The following ZNF354B variants were observed in gnomAD, a reference collection of about 807,000 sequenced individuals.
ZNF354B encodes the protein zinc finger protein 354B.
ZNF354B carries 10 observed loss-of-function variants against 12.9 expected under a neutral mutation model. That is an observed-to-expected ratio of 0.77 (90% CI 0.48 to 1.31). ZNF354B has a LOEUF of 1.31. ZNF354B is among the 40% of genes most tolerant of loss of function. The pLI, the probability that ZNF354B is intolerant of heterozygous loss-of-function variation, is 0.00. For missense variants in ZNF354B, 614 were observed against 711.7 expected (o/e 0.86, Z 1.56); for synonymous variants, 260 against 243.7 (o/e 1.07, Z -0.62).
At chr5:178,864,297 T>C (rs891351136) in intron 2 of ZNF354B, among the ~76,000 whole-genome samples, 5 of 152,198 alleles carry the variant, frequency 3.3e-5, no homozygotes, top group African/African-American at 7.2e-5. Context: ...CACAGACACT[T>C]AGCATTGTCT....
In ZNF354B at chr5:178,882,749, T is replaced by A; in HGVS notation, c.297T>A (p.Thr99=). The A allele has an allele frequency of 1.9e-6, 3 of 1,574,494 alleles. No individual in the cohort carries two copies. The highest frequency in any genetic ancestry group is 2.6e-6 in the Non-Finnish European group (3 of 1,169,952). Residue 99 remains threonine, a synonymous_variant, in exon 5 of 5, where the codon ACT becomes ACA. Transcript: ENST00000322434. The stretch of plus-strand genomic sequence containing the variant: ...CTAAAATGACAAAGTCAACTCAAAC[T>A]CAGGATTCATTTCAGGAGCAGATAA... ...STPKMTKSTQ[T]QDSFQEQIRK... is the part of the protein sequence containing the mutation.
intron 4 of ZNF354B, among the ~76,000 whole-genome samples, chr5:178,878,841 A>G (rs960215586): frequency 2.0e-5 from 3 of 151,784 alleles, no homozygotes; most frequent in Non-Finnish European, 4.4e-5. Context: ...AGCTGGGATT[A>G]TAGGCATGCA....
chr5:178,877,338 T>A (rs1757653531), intron 4 of ZNF354B, among the ~76,000 whole-genome samples: 1 of 151,992 alleles, frequency 6.6e-6, no homozygotes, highest in Non-Finnish European at 1.5e-5. Context: ...CCTGGCTAAT[T>A]TTTATGTTTT....
At chr5:178,866,718 T>C (rs1299861826) in intron 3 of ZNF354B, among the ~76,000 whole-genome samples, 1 of 152,142 alleles carries the variant, frequency 6.6e-6, no homozygotes, top group Non-Finnish European at 1.5e-5. Flanking sequence ...CGACCTACCA[T>C]TGCCTTTCCC....
intron 1 of ZNF354B, 85 bp downstream of exon 1, chr5:178,860,212 T>TG (rs1291227938): frequency 6.6e-6 from 1 of 151,990 alleles, no homozygotes; most frequent in Non-Finnish European, 1.5e-5. Flanking sequence ...AGGGCCTCTG[T>TG]GGGCGCGGGG....
rs537423698 is a variant in ZNF354B at position 178,866,511 on chromosome 5, T to C, written c.160+141T>C. On this transcript the variant is annotated intron_variant, in intron 3 of 4. Coordinates refer to ENST00000322434, the MANE Select transcript of ZNF354B (RefSeq NM_058230.3). ...CAAATCAGATCTCTGTAAATAAACA[T>C]TGATAACTTAACTTTCTCCTAATAA... 84 of 1,325,184 alleles carry C rather than the reference T, an allele frequency of 6.3e-5. No homozygotes were observed. The South Asian group carries it at 1.2e-3, about 19-fold the overall frequency. The allele number at this position is 1,325,184 out of a possible 1,614,324, so 82.1% of individuals were successfully genotyped here. A position where few individuals can be genotyped will look rare whatever the true frequency, so the allele number is the denominator to read the frequency against.
intron 2 of ZNF354B, among the ~76,000 whole-genome samples, chr5:178,864,929 A>T (rs1188105068): frequency 6.6e-6 from 1 of 151,902 alleles, no homozygotes; most frequent in Non-Finnish European, 1.5e-5. Flanking sequence ...GGCCAGAAAC[A>T]TTTTTTTGAA....
At position 178,885,012 on chromosome 5, in the gene ZNF354B, A is replaced by C. The variant is rs1757781515; in HGVS notation, c.*721A>C. 1.3e-5 allele frequency: 2 copies of C among 152,250 alleles called. No individual in the cohort carries two copies. The highest frequency in any genetic ancestry group is 4.8e-5 in the African/African-American group (2 of 41,468). 9.4% of individuals were successfully genotyped at this position (152,250 alleles called of 1,614,324 possible). The stretch of plus-strand genomic sequence containing the variant: ...ACTTCGTGCATGGCTTTTATTAAAA[A>C]AGAAAAAATCTGTTCTCTTCTTTGT... On this transcript the variant is annotated 3_prime_UTR_variant, in exon 5 of 5. Coordinates refer to ENST00000322434, the MANE Select transcript of ZNF354B (RefSeq NM_058230.3).
intron 4 of ZNF354B, among the ~76,000 whole-genome samples, chr5:178,871,901 A>G (rs1757568631): frequency 6.6e-6 from 1 of 152,132 alleles, no homozygotes; most frequent in East Asian, 1.9e-4. Flanking sequence ...GGGGAATTTT[A>G]CTTTTTTTAG....
intron 4 of ZNF354B, among the ~76,000 whole-genome samples, chr5:178,881,708 A>G (rs926405504): frequency 8.6e-5 from 13 of 152,046 alleles, no homozygotes; most frequent in Non-Finnish European, 1.6e-4. Context: ...CCCAGGCGCA[A>G]TCTCGGCTCA....
Position 178,883,748 on chromosome 5 carries a change from T to C in ZNF354B, c.1296T>C (p.His432=), listed in dbSNP as rs1434825333. The C allele has an allele frequency of 2.5e-6, 4 of 1,614,148 alleles. No individual in the cohort carries two copies. In the East Asian group the frequency reaches 6.7e-5, roughly 27 times the overall value. ...ISRLNRHRII[H]TGEKLYNCNE... ...GACTTAATAGACACCGAATAATTCA[T>C]ACTGGAGAGAAATTGTATAATTGTA... is the stretch of plus-strand genomic sequence containing the variant. The change falls in exon 5 of 5, where the codon CAT becomes CAC. Residue 432 remains histidine (H), a synonymous_variant. Coordinates refer to ENST00000322434, the MANE Select transcript of ZNF354B (RefSeq NM_058230.3).
In ZNF354B at chr5:178,882,764, G is replaced by A. The variant is rs760379397; in HGVS notation, c.312G>A (p.Gln104=). The part of the protein sequence containing the change: ...TKSTQTQDSF[Q]EQIRKRLKRD... ...CAACTCAAACTCAGGATTCATTTCA[G>A]GAGCAGATAAGGAAAAGATTGAAAA... Residue 104 remains glutamine (Q), a synonymous_variant, in exon 5 of 5, where the codon CAG becomes CAA. Coordinates refer to ENST00000322434, the MANE Select transcript of ZNF354B (RefSeq NM_058230.3). 7 of 1,584,086 alleles carry A rather than the reference G, an allele frequency of 4.4e-6. No homozygotes were observed. In the East Asian group the frequency reaches 1.3e-4, roughly 31 times the overall value.
intron 2 of ZNF354B, among the ~76,000 whole-genome samples, chr5:178,861,483 T>TA (rs748432612): frequency 2.6e-5 from 4 of 152,214 alleles, no homozygotes; most frequent in Non-Finnish European, 5.9e-5. Context: ...CCCAGGCTTC[T>TA]CCAACGCATC....
chr5:178,862,182 C>T (rs914987325), intron 2 of ZNF354B, among the ~76,000 whole-genome samples: 1 of 151,950 alleles, frequency 6.6e-6, no homozygotes, highest in Admixed American at 6.6e-5. Flanking sequence ...ACAACAATTA[C>T]AATTCTTGTT....
intron 4 of ZNF354B, among the ~76,000 whole-genome samples, chr5:178,881,435 T>C (rs1757716871): frequency 6.6e-6 from 1 of 152,208 alleles, no homozygotes; most frequent in Admixed American, 6.5e-5. Flanking sequence ...ATTTGTATAA[T>C]GTTATTACAT....
At chr5:178,864,644 A>C (rs1027087124) in intron 2 of ZNF354B, among the ~76,000 whole-genome samples, 1 of 147,582 alleles carries the variant, frequency 6.8e-6, no homozygotes, top group Non-Finnish European at 1.5e-5. Flanking sequence ...TTTTTTGGAG[A>C]GGGAGTCTCA....
chr5:178,881,341 CCT>C (rs1757715235), intron 4 of ZNF354B, among the ~76,000 whole-genome samples: 1 of 151,364 alleles, frequency 6.6e-6, no homozygotes, highest in African/African-American at 2.4e-5. Flanking sequence ...GGCAGCCCAC[CCT>C]ATCCACACAA....
chr5:178,884,144 A>G lies in ZNF354B; in HGVS notation c.1692A>G (p.Ser564=), dbSNP rs777008335. 3.1e-6 allele frequency: 5 copies of G among 1,613,924 alleles called. No homozygotes were observed. The highest frequency in any genetic ancestry group is 3.4e-6 in the Non-Finnish European group (4 of 1,179,962). The part of the protein sequence containing the change: ...TCGKTFRQSS[S]LIAHQRIHTG... ...GAAAAACTTTTAGACAAAGCTCATC[A>G]CTTATTGCACATCAAAGAATTCATA... is the stretch of plus-strand genomic sequence containing the variant. The change falls in exon 5 of 5, where the codon TCA becomes TCG. Residue 564 remains serine, a synonymous_variant. Coordinates refer to ENST00000322434, the MANE Select transcript of ZNF354B (RefSeq NM_058230.3).
intron 4 of ZNF354B, among the ~76,000 whole-genome samples, chr5:178,875,782 A>T (rs1041183778): frequency 6.6e-6 from 1 of 152,030 alleles, no homozygotes; most frequent in African/African-American, 2.4e-5. Context: ...CTAGAAGCCC[A>T]GATGAAGGCT....
Sources: gnomAD v4.1 joint callset for allele counts (sites outside exome capture counted in the v4.1 genomes callset) on GRCh38, gnomAD v4.1.1 for gene constraint, MANE v1.5 for transcripts, NCBI Gene and HGNC (gene_info 2026-07-23, HGNC 2026-07-21) for gene names.